Variants in STAG1 observed in about 807,000 individuals in gnomAD.
The protein encoded by STAG1 is cohesin subunit SA-1.
In STAG1, 26 loss-of-function variants were observed where a neutral mutation model predicts 170.9. That is an observed-to-expected ratio of 0.15 (90% CI 0.11 to 0.21). The LOEUF (loss-of-function observed/expected upper bound fraction) is 0.21, where lower values mean the gene tolerates loss of function less well. Among genes scored for constraint, STAG1 ranks in the 10% least tolerant of loss-of-function variants. The pLI, the probability that STAG1 is intolerant of heterozygous loss-of-function variation, is 1.00. For missense variants in STAG1, 964 were observed against 1,509.5 expected (o/e 0.64, Z 5.99); for synonymous variants, 514 against 497.7 (o/e 1.03, Z -0.44).
intron 21 of STAG1, among the ~76,000 whole-genome samples, chr3:136,404,858 C>T (rs964812013): frequency 9.0e-6 from 1 of 110,724 alleles, no homozygotes; most frequent in African/African-American, 2.7e-5. Context: ...AATAATTATG[C>T]ATATATGTGT....
chr3:136,511,244 A>G (rs1681374578), intron 7 of STAG1, among the ~76,000 whole-genome samples: 1 of 152,214 alleles, frequency 6.6e-6, no homozygotes, highest in South Asian at 2.1e-4. Flanking sequence ...TCTTGCCTTT[A>G]TGAATTACCC....
At chr3:136,341,675 T>A (rs896745538) in intron 30 of STAG1, 124 bp from the exon 31 acceptor site, 1 of 628,116 alleles carries the variant, frequency 1.6e-6, no homozygotes, top group Non-Finnish European at 2.8e-6. Flanking sequence ...CTGGATTTAT[T>A]CTGGTGCCTT....
chr3:136,671,888 GAGAA>G (rs1218726781), intron 1 of STAG1, among the ~76,000 whole-genome samples: 2 of 152,060 alleles, frequency 1.3e-5, no homozygotes, highest in Non-Finnish European at 2.9e-5. Context: ...AGAAAAAAAA[GAGAA>G]AGAAAAAGAA....
chr3:136,376,685 G>C (rs1416099048), intron 23 of STAG1, among the ~76,000 whole-genome samples: 1 of 152,188 alleles, frequency 6.6e-6, no homozygotes, highest in Non-Finnish European at 1.5e-5. Context: ...GTGTTGGCAT[G>C]CATGTGTGAG....
At chr3:136,736,824 CCTT>C (rs1934363241) in intron 1 of STAG1, 7 of 1,583,814 alleles carry the variant, frequency 4.4e-6, no homozygotes, top group East Asian at 2.2e-5. Flanking sequence ...GGTTTTCCTT[CCTT>C]CTTTGTTTTT....
At chr3:136,663,285 T>C (rs1941639517) in intron 1 of STAG1, among the ~76,000 whole-genome samples, 1 of 152,122 alleles carries the variant, frequency 6.6e-6, no homozygotes, top group African/African-American at 2.4e-5. Context: ...CTAAGAACTT[T>C]CTTTATATGC....
chr3:136,417,300 A>G, intron 21 of STAG1, among the ~76,000 whole-genome samples: 1 of 152,208 alleles, frequency 6.6e-6, no homozygotes, highest in East Asian at 1.9e-4. Context: ...TGGAGATGAT[A>G]TTTTGGTCTA....
At chr3:136,674,191 G>C (rs1429932183) in intron 1 of STAG1, among the ~76,000 whole-genome samples, 1 of 103,786 alleles carries the variant, frequency 9.6e-6, no homozygotes, top group Admixed American at 9.8e-5. Flanking sequence ...GGGAGGGAGG[G>C]AAGGAGGGAA....
In STAG1 at chr3:136,338,053, C is replaced by T; in HGVS notation, c.*201G>A. On this transcript the variant is annotated 3_prime_UTR_variant, in exon 34 of 34. Transcript: ENST00000383202. ...ACAAATGATTTTCAGGTCAGTCTTT[C>T]TGAGTTGACATTCACCAACATTCCC... 1.8e-6 allele frequency: 1 copy of T among 556,190 alleles called. No homozygotes were observed. 34.5% of individuals were successfully genotyped at this position (556,190 alleles called of 1,614,324 possible). A position where few individuals can be genotyped will look rare whatever the true frequency, so the allele number is the denominator to read the frequency against.
chr3:136,371,109 GTGA>G (rs1328665497), intron 23 of STAG1, among the ~76,000 whole-genome samples: 1 of 152,218 alleles, frequency 6.6e-6, no homozygotes, highest in African/African-American at 2.4e-5. Context: ...CTGATGGCCA[GTGA>G]TGATGAGCAT....
intron 5 of STAG1, among the ~76,000 whole-genome samples, chr3:136,545,045 AT>A (rs1328887623): frequency 1.3e-5 from 2 of 151,768 alleles, no homozygotes; most frequent in Non-Finnish European, 1.5e-5. Context: ...CTAACTTTTT[AT>A]TTTTTTATTT....
At chr3:136,373,352 G>T (rs1268764377) in intron 23 of STAG1, among the ~76,000 whole-genome samples, 1 of 152,038 alleles carries the variant, frequency 6.6e-6, no homozygotes, top group East Asian at 1.9e-4. Flanking sequence ...ATTTCCTTCA[G>T]TTCTGCTCTG....
At chr3:136,712,660 G>A (rs1157031196) in intron 1 of STAG1, among the ~76,000 whole-genome samples, 1 of 152,174 alleles carries the variant, frequency 6.6e-6, no homozygotes, top group Non-Finnish European at 1.5e-5. Context: ...ATTCTCACAT[G>A]CTGCTGTTGG....
rs777110138 is a variant in STAG1, at chr3:136,447,596, A to ATTTT, written c.1429-4196_1429-4193dup. On this transcript the variant is annotated intron_variant, in intron 14 of 33. Coordinates refer to ENST00000383202, the MANE Select transcript of STAG1 (RefSeq NM_005862.3). ...TCCTTATCCCTCTGAAAAGCATCACATTTTTTTTTTTTTTTTTTTTTTTTT... is the reference window on the plus strand; with the variant it reads ...TCCTTATCCCTCTGAAAAGCATCACATTTTTTTTTTTTTTTTTTTTTTTTTTTTT... Among the ~76,000 whole-genome samples the ATTTT allele has an allele frequency of 5.4e-4, 40 of 74,326 alleles. 1 individual carries two copies. Among genetic ancestry groups the ATTTT allele is most frequent in the African/African-American group, 2.2e-3 (40 of 17,880 alleles). The allele number at this position is 74,326 out of a possible 152,430, so 48.8% of individuals were successfully genotyped here.
chr3:136,726,352 C>A lies in STAG1; in HGVS notation c.-84+25843G>T, dbSNP rs138138946. ...CATAAACCATTATTCCCAGTTGTGA[C>A]AATCAAAAATCTAGACATTGCCAAA... On this transcript the variant is annotated intron_variant, in intron 1 of 33. Transcript: ENST00000383202. Among the ~76,000 whole-genome samples the A allele has an allele frequency of 3.9e-5, 6 of 152,312 alleles. No individual in the cohort carries two copies. The East Asian group carries it at 1.2e-3, about 29-fold the overall frequency.
chr3:136,339,774 A>G (rs1935888004), intron 32 of STAG1, among the ~76,000 whole-genome samples: 1 of 152,202 alleles, frequency 6.6e-6, no homozygotes, highest in African/African-American at 2.4e-5. Context: ...CATAAACACC[A>G]TGCATTACTA....
intron 1 of STAG1, among the ~76,000 whole-genome samples, chr3:136,714,391 T>C (rs1351797255): frequency 6.6e-6 from 1 of 151,118 alleles, no homozygotes; most frequent in Non-Finnish European, 1.5e-5. Context: ...AACCTAGGAG[T>C]CTGAGAATCC....
chr3:136,684,684 G>A (rs749230713), intron 1 of STAG1, among the ~76,000 whole-genome samples: 3 of 151,192 alleles, frequency 2.0e-5, no homozygotes, highest in Non-Finnish European at 2.9e-5. Context: ...ATTGAGGTGG[G>A]AGAATCGCTT....
At chr3:136,675,517 T>C (rs1343113738) in intron 1 of STAG1, among the ~76,000 whole-genome samples, 2 of 152,198 alleles carry the variant, frequency 1.3e-5, no homozygotes, top group Non-Finnish European at 2.9e-5. Context: ...CCCTAACTGA[T>C]AGAACCACTG....
Sources: allele counts gnomAD v4.1 joint callset (sites outside exome capture counted in the v4.1 genomes callset), GRCh38; gene constraint gnomAD v4.1.1; transcripts MANE v1.5; gene names NCBI Gene and HGNC (gene_info 2026-07-23, HGNC 2026-07-21).